Variants in GLYR1 observed in about 807,000 individuals in gnomAD.
GLYR1 encodes glyoxylate reductase 1 homolog, also known as cytokine-like nuclear factor N-PAC.
GLYR1 carries 21 observed loss-of-function variants against 72.7 expected under a neutral mutation model. The observed-to-expected ratio is 0.29, with a 90% confidence interval of 0.20 to 0.42. The LOEUF (loss-of-function observed/expected upper bound fraction) is 0.42. Among genes scored for constraint, GLYR1 ranks in the 10% least tolerant of loss-of-function variants. The pLI, the probability that GLYR1 is intolerant of heterozygous loss-of-function variation, is 1.00. For synonymous variants in GLYR1, 392 were observed against 270.2 expected (o/e 1.45, Z -4.42); for missense variants, 594 against 712.1 (o/e 0.83, Z 1.89).
In GLYR1 at chr16:4,803,766, AG is replaced by A. The variant is rs1373625767; in HGVS notation, c.*1469del. ...AAGGGGCCAAAGCTGTGAGGGGGGA[AG>A]GACCCCGCCCTAGTGTGGCCACCCT... On this transcript the variant is annotated 3_prime_UTR_variant, in exon 16 of 16. Transcript: ENST00000321919. 1 of 152,208 alleles carries A rather than the reference AG, an allele frequency of 6.6e-6. No individual in the cohort carries two copies. The highest frequency in any genetic ancestry group is 1.5e-5 in the Non-Finnish European group (1 of 68,032). 9.4% of individuals were successfully genotyped at this position (152,208 alleles called of 1,614,324 possible).
At chr16:4,818,647 A>G (rs563589658) in intron 9 of GLYR1, among the ~76,000 whole-genome samples, 5 of 152,310 alleles carry the variant, frequency 3.3e-5, no homozygotes, top group Non-Finnish European at 5.9e-5. Context: ...GTTTAGAGCC[A>G]GGCAACTTCC....
In GLYR1 at chr16:4,843,819, G is replaced by C. The variant is rs1375550926; in HGVS notation, c.155+1255C>G. The C allele has an allele frequency of 4.4e-5, 12 of 271,834 alleles. No individual in the cohort carries two copies. The East Asian group carries it at 1.7e-3, about 38-fold the overall frequency. 16.8% of individuals were successfully genotyped at this position (271,834 alleles called of 1,614,324 possible). A position where few individuals can be genotyped will look rare whatever the true frequency, so the allele number is the denominator to read the frequency against. ...CTACTTAAAGAAATCAAACCGGCTG[G>C]GCATGGTGGCTCTTGCCTGTAATCC... On this transcript the variant is annotated intron_variant, in intron 3 of 15. Coordinates refer to ENST00000321919, the MANE Select transcript of GLYR1 (RefSeq NM_032569.4).
At chr16:4,821,744 A>G in intron 7 of GLYR1, 147 bp from the exon 8 acceptor site, 1 of 715,228 alleles carries the variant, frequency 1.4e-6, no homozygotes, top group African/African-American at 1.8e-5. Context: ...TTTACACTAG[A>G]AAGTTCATAC....
intron 10 of GLYR1, among the ~76,000 whole-genome samples, chr16:4,815,662 C>G (rs988285488): frequency 2.6e-5 from 4 of 152,214 alleles, no homozygotes; most frequent in Non-Finnish European, 5.9e-5. Context: ...TCATAAAGAT[C>G]ACCAGCAAGC....
At chr16:4,833,083 A>C (rs148677404) in intron 3 of GLYR1, 171 bp from the exon 4 acceptor site, 1 of 503,412 alleles carries the variant, frequency 2.0e-6, no homozygotes, top group Non-Finnish European at 3.4e-6. Context: ...TCTTATGTCT[A>C]AAGTATATTT....
chr16:4,810,445 G>C (rs534976116), intron 15 of GLYR1, among the ~76,000 whole-genome samples: 15 of 152,022 alleles, frequency 9.9e-5, no homozygotes, highest in Middle Eastern at 3.4e-3. Flanking sequence ...AGGAGGCAGA[G>C]GCTGCAGTGA....
rs2082889088 is a variant in GLYR1 at position 4,805,019 on chromosome 16, T to A, written c.*217A>T. 39 of 478,760 alleles carry A rather than the reference T, an allele frequency of 8.1e-5. No homozygotes were observed. Among genetic ancestry groups the A allele is most frequent in the Middle Eastern group, 6.3e-4 (1 of 1,584 alleles). 29.7% of individuals were successfully genotyped at this position (478,760 alleles called of 1,614,324 possible). A position where few individuals can be genotyped will look rare whatever the true frequency, so the allele number is the denominator to read the frequency against. On this transcript the variant is annotated 3_prime_UTR_variant, in exon 16 of 16. Transcript: ENST00000321919. The stretch of plus-strand genomic sequence containing the variant: ...GGGGCCAGTGCCCAGCTCAAGAGCT[T>A]TCCCACACGCCAATCCTGCTGACAC...
intron 3 of GLYR1, chr16:4,843,488 A>G (rs889794274): frequency 7.8e-7 from 1 of 1,278,056 alleles, no homozygotes; most frequent in African/African-American, 1.5e-5. Flanking sequence ...AGTTCTAAGA[A>G]CATTCCCTCT....
chr16:4,841,457 C>CAAAAAAAAAAAAAAAAAAA (rs1160441336), intron 3 of GLYR1, among the ~76,000 whole-genome samples: 2 of 31,948 alleles, frequency 6.3e-5, no homozygotes, highest in African/African-American at 2.2e-4. Flanking sequence ...CTTGTCTCTA[C>CAAAAAAAAAAAAAAAAAAA]AAAAAAAAAA....
intron 1 of GLYR1, 178 bp downstream of exon 1, chr16:4,847,050 C>A: frequency 5.0e-6 from 3 of 600,140 alleles, no homozygotes; most frequent in Non-Finnish European, 8.6e-6. Context: ...CGGCCTCGGT[C>A]CCCCGGGACT....
chr16:4,811,303 A>G lies in GLYR1; in HGVS notation c.1463-9T>C, dbSNP rs781187662. On this transcript the variant is annotated splice_polypyrimidine_tract_variant and intron_variant, in intron 14 of 15. Transcript: ENST00000321919. ...GTTTCCTTGCAGGATATCTGAGGAG[A>G]AAAAGCCAGTATCAGACAAAAGCCA... 1.9e-6 allele frequency: 3 copies of G among 1,612,870 alleles called. No individual in the cohort carries two copies. Among genetic ancestry groups the G allele is most frequent in the African/African-American group, 1.3e-5 (1 of 74,972 alleles).
At chr16:4,846,793 G>C in intron 1 of GLYR1, 4 of 249,746 alleles carry the variant, frequency 1.6e-5, no homozygotes, top group South Asian at 1.3e-4. Context: ...CGGCTGAGCC[G>C]GCCGCACAGG....
chr16:4,825,509 C>G (rs1186753166), intron 5 of GLYR1, among the ~76,000 whole-genome samples: 1 of 152,168 alleles, frequency 6.6e-6, no homozygotes, highest in East Asian at 1.9e-4. Context: ...TATGTTTGCC[C>G]ATAGAACATG....
Position 4,821,318 on chromosome 16 carries a change from C to A in GLYR1, c.806+62G>T. 2.6e-6 allele frequency: 4 copies of A among 1,554,222 alleles called. No individual in the cohort carries two copies. In the South Asian group the frequency reaches 3.3e-5, roughly 13 times the overall value. ...AACCCTTAAAGAACCCCCCTGGGGT[C>A]ACCTTCTCCCCACCCTCAGCAGAAC... is the stretch of plus-strand genomic sequence containing the variant. On this transcript the variant is annotated intron_variant, in intron 9 of 15. Transcript: ENST00000321919.
chr16:4,835,299 T>C (rs926044757), intron 3 of GLYR1, among the ~76,000 whole-genome samples: 5 of 152,170 alleles, frequency 3.3e-5, no homozygotes, highest in Admixed American at 2.6e-4. Flanking sequence ...CCATTTTTTG[T>C]TGAAGCATCT....
intron 15 of GLYR1, among the ~76,000 whole-genome samples, chr16:4,809,366 T>G (rs2083193153): frequency 6.6e-6 from 1 of 151,500 alleles, no homozygotes; most frequent in African/African-American, 2.4e-5. Flanking sequence ...ATTTTTTGTA[T>G]TTTTAGTAGA....
In GLYR1 at chr16:4,804,971, G is replaced by GT. The variant is rs59515878; in HGVS notation, c.*264_*265insA. The GT allele has an allele frequency of 1.9e-6, 1 of 531,414 alleles. No homozygotes were observed. The highest frequency in any genetic ancestry group is 3.2e-5 in the East Asian group (1 of 31,164). 32.9% of individuals were successfully genotyped at this position (531,414 alleles called of 1,614,324 possible). ...TGTGTGTGTGTGTGTGTGTGTGTGT[G>GT]AACACACAGCCACCTCGTCCGGGGG... On this transcript the variant is annotated 3_prime_UTR_variant, in exon 16 of 16. Coordinates refer to ENST00000321919, the MANE Select transcript of GLYR1 (RefSeq NM_032569.4).
intron 15 of GLYR1, among the ~76,000 whole-genome samples, chr16:4,808,968 T>C (rs1253883838): frequency 6.6e-6 from 1 of 152,032 alleles, no homozygotes; most frequent in African/African-American, 2.4e-5. Flanking sequence ...GTGTCTCAAA[T>C]ATAAAAAAAG....
At chr16:4,832,706 A>C in intron 4 of GLYR1, 68 bp downstream of exon 4, 1 of 1,496,038 alleles carries the variant, frequency 6.7e-7, no homozygotes, top group Non-Finnish European at 9.0e-7. Flanking sequence ...GGTGACATTT[A>C]ATCTGTTAGT....
Sources: allele counts gnomAD v4.1 joint callset (sites outside exome capture counted in the v4.1 genomes callset), GRCh38; gene constraint gnomAD v4.1.1; transcripts MANE v1.5; gene names NCBI Gene and HGNC (gene_info 2026-07-23, HGNC 2026-07-21).